DLG2: variants seen among roughly 807,000 people sequenced by gnomAD.
The protein encoded by DLG2 is discs large MAGUK scaffold protein 2, also known as disks large homolog 2.
DLG2 carries 45 observed loss-of-function variants against 132.5 expected under a neutral mutation model. The observed-to-expected ratio is 0.34, with a 90% CI of 0.27 to 0.44. The LOEUF is 0.44. Among genes scored for constraint, DLG2 ranks in the 20% least tolerant of loss-of-function variants. The probability of loss-of-function intolerance (pLI) is 1.00; values close to 1 mark genes in which losing one functional copy is unlikely to be tolerated. For missense variants in DLG2, 1,045 were observed against 1,196.9 expected (o/e 0.87, Z 1.87); for synonymous variants, 424 against 419.6 (o/e 1.01, Z -0.13).
At chr11:85,079,357 G>C (rs1358751818) in intron 6 of DLG2, among the ~76,000 whole-genome samples, 1 of 152,066 alleles carries the variant, frequency 6.6e-6, no homozygotes, top group Non-Finnish European at 1.5e-5. Context: ...ATTCCAAGAG[G>C]AGGAGGATAT....
rs1185281069 is a variant in DLG2, at chr11:84,546,639, T to C, written c.358-11908A>G. On this transcript the variant is annotated intron_variant, in intron 6 of 27. Coordinates refer to ENST00000376104, the MANE Select transcript of DLG2 (RefSeq NM_001142699.3). ...ATGTAGCATGGCATTTAGGGCTGCA[T>C]CCACCTCCTCCACAGTGGCATATGT... is the stretch of plus-strand genomic sequence containing the variant. The C allele has an allele frequency of 3.8e-5, 20 of 529,194 alleles. 1 individual carries two copies. The highest frequency in any genetic ancestry group is 2.9e-4 in the South Asian group (19 of 65,064). The allele number at this position is 529,194 out of a possible 1,614,324, so 32.8% of individuals were successfully genotyped here. A position where few individuals can be genotyped will look rare whatever the true frequency, so the allele number is the denominator to read the frequency against.
intron 6 of DLG2, among the ~76,000 whole-genome samples, chr11:84,610,576 G>C (rs995848021): frequency 1.3e-5 from 2 of 152,086 alleles, no homozygotes; most frequent in Non-Finnish European, 2.9e-5. Context: ...AAGGGAACAA[G>C]GGGTAAGCCA....
At chr11:84,737,803 A>G (rs557863135) in intron 6 of DLG2, among the ~76,000 whole-genome samples, 99 of 152,142 alleles carry the variant, frequency 6.5e-4, no homozygotes, top group African/African-American at 2.3e-3. Flanking sequence ...AGTGAAAGTG[A>G]TACATATTGG....
chr11:85,067,387 C>A (rs2065089455), intron 6 of DLG2, among the ~76,000 whole-genome samples: 2 of 151,866 alleles, frequency 1.3e-5, no homozygotes. Flanking sequence ...CTTCTGCAAG[C>A]TTTTGAATGT....
intron 3 of DLG2, among the ~76,000 whole-genome samples, chr11:85,527,083 A>G (rs1204610665): frequency 6.6e-6 from 1 of 152,186 alleles, no homozygotes; most frequent in African/African-American, 2.4e-5. Context: ...AAACTTTCAC[A>G]AAGAAGATGT....
intron 6 of DLG2, among the ~76,000 whole-genome samples, chr11:84,602,792 G>C (rs181929109): frequency 6.2e-4 from 94 of 152,034 alleles, no homozygotes; most frequent in Non-Finnish European, 9.4e-4. Context: ...GATCTTAAAA[G>C]TCTGCTGACA....
intron 4 of DLG2, among the ~76,000 whole-genome samples, chr11:85,171,774 T>A (rs2078895884): frequency 6.6e-6 from 1 of 152,184 alleles, no homozygotes; most frequent in Non-Finnish European, 1.5e-5. Context: ...CATTCTACCC[T>A]GCCAGCTCCA....
intron 17 of DLG2, among the ~76,000 whole-genome samples, chr11:83,811,533 G>T (rs1194561150): frequency 6.6e-6 from 1 of 152,008 alleles, no homozygotes; most frequent in Non-Finnish European, 1.5e-5. Context: ...TTCTAGAAGA[G>T]TATTTCCTCA....
chr11:85,469,227 C>G (rs1000008685), intron 3 of DLG2: 2 of 152,186 alleles, frequency 1.3e-5, no homozygotes, highest in African/African-American at 4.8e-5. Context: ...GTCAAAAGAG[C>G]TATCATTTCT....
At chr11:85,552,206 A>C (rs2076705822) in intron 3 of DLG2, among the ~76,000 whole-genome samples, 1 of 151,632 alleles carries the variant, frequency 6.6e-6, no homozygotes, top group African/African-American at 2.4e-5. Flanking sequence ...GTGAGAAATC[A>C]AAACTCCAAT....
At chr11:85,414,238 A>G (rs1481326982) in intron 3 of DLG2, among the ~76,000 whole-genome samples, 2 of 152,068 alleles carry the variant, frequency 1.3e-5, no homozygotes, top group East Asian at 3.9e-4. Context: ...TGATTTGTGT[A>G]CATTAATTTT....
chr11:84,388,509 G>C (rs1384428574), intron 7 of DLG2, among the ~76,000 whole-genome samples: 2 of 152,166 alleles, frequency 1.3e-5, no homozygotes, highest in East Asian at 3.9e-4. Flanking sequence ...TAGTAGAAAA[G>C]AGGGCAGCTA....
chr11:85,143,618 T>A (rs181555136), intron 5 of DLG2, among the ~76,000 whole-genome samples: 2 of 151,862 alleles, frequency 1.3e-5, no homozygotes, highest in Admixed American at 6.6e-5. Flanking sequence ...AGTTTATGTA[T>A]GTTGTGTTTC....
In DLG2 at chr11:84,183,586, T is replaced by A. The variant is rs535070275; in HGVS notation, c.574-20075A>T. Among the ~76,000 whole-genome samples the A allele has an allele frequency of 2.3e-3, 356 of 152,280 alleles. 3 individuals carry two copies. Among genetic ancestry groups the A allele is most frequent in the East Asian group, 7.3e-3 (38 of 5,182 alleles). On this transcript the variant is annotated intron_variant, in intron 8 of 27. Coordinates refer to ENST00000376104, the MANE Select transcript of DLG2 (RefSeq NM_001142699.3). ...TATCAATAGAAATGTTTCTTTTTTT[T>A]AAATTATACTTTAAGTTTTAGGGTA...
chr11:83,886,677 A>C (rs1388449545), intron 15 of DLG2, among the ~76,000 whole-genome samples: 3 of 151,454 alleles, frequency 2.0e-5, no homozygotes, highest in Non-Finnish European at 4.4e-5. Context: ...ACCTATTCCA[A>C]AATTGACCAC....
At chr11:84,646,692 AT>A (rs2099675373) in intron 6 of DLG2, among the ~76,000 whole-genome samples, 1 of 149,142 alleles carries the variant, frequency 6.7e-6, no homozygotes, top group Admixed American at 6.6e-5. Context: ...AGAGCACAAG[AT>A]TTTACACTTA....
At chr11:84,430,033 G>C (rs1396135767) in intron 7 of DLG2, among the ~76,000 whole-genome samples, 1 of 152,094 alleles carries the variant, frequency 6.6e-6, no homozygotes, top group Non-Finnish European at 1.5e-5. Flanking sequence ...ATATGAGTTG[G>C]GGCTAGGGTC....
chr11:84,212,816 G>T (rs879936010), intron 8 of DLG2, among the ~76,000 whole-genome samples: 5 of 152,126 alleles, frequency 3.3e-5, no homozygotes, highest in Non-Finnish European at 7.3e-5. Context: ...ATGCCACCAC[G>T]CCTGGCTAAC....
chr11:85,232,124 A>G (rs2075333742), intron 4 of DLG2, among the ~76,000 whole-genome samples: 1 of 151,926 alleles, frequency 6.6e-6, no homozygotes, highest in South Asian at 2.1e-4. Flanking sequence ...ACCAAGCAAC[A>G]TGCTAAATAC....
Sources: allele counts gnomAD v4.1 joint callset (sites outside exome capture counted in the v4.1 genomes callset), GRCh38; gene constraint gnomAD v4.1.1; transcripts MANE v1.5; gene names NCBI Gene and HGNC (gene_info 2026-07-23, HGNC 2026-07-21).